CYFIP2: variants seen among roughly 807,000 people sequenced by gnomAD.
CYFIP2 encodes the protein cytoplasmic FMR1 interacting protein 2, also known as cytoplasmic FMR1-interacting protein 2.
A neutral mutation model predicts 158.7 loss-of-function variants in CYFIP2; 29 were observed. The ratio of observed to expected loss-of-function variants is 0.18; its 90% CI spans 0.14 to 0.25. CYFIP2 has a LOEUF of 0.25. Among genes scored for constraint, CYFIP2 ranks in the 10% least tolerant of loss-of-function variants. The pLI is 1.00. For synonymous variants in CYFIP2, 585 were observed against 617.6 expected (o/e 0.95, Z 0.78); for missense variants, 852 against 1,639.5 (o/e 0.52, Z 8.29).
rs574409103 is a variant in CYFIP2 at position 157,356,231 on chromosome 5, C to A, written c.2674-2774C>A. On this transcript the variant is annotated intron_variant, in intron 23 of 30. Transcript: ENST00000620254. ...TTCCTGGTGTGCAGATGGCCCCTCTCCTCACTGTAGGCTCCCATGGCATAG... is the reference window on the plus strand; with the variant it reads ...TTCCTGGTGTGCAGATGGCCCCTCTACTCACTGTAGGCTCCCATGGCATAG... 5.9e-5 allele frequency among the ~76,000 whole-genome samples: 9 copies of A among 152,216 alleles called. No homozygotes were observed. In the South Asian group the frequency reaches 1.0e-3, roughly 18 times the overall value.
At chr5:157,333,604 TAA>T (rs1413416098) in intron 21 of CYFIP2, among the ~76,000 whole-genome samples, 158 bp downstream of exon 21, 4 of 152,194 alleles carry the variant, frequency 2.6e-5, no homozygotes, top group Admixed American at 6.5e-5. Flanking sequence ...TTACACAGAA[TAA>T]GAGTAATCTT....
chr5:157,380,237 A>C (rs1176661826), intron 26 of CYFIP2: 1 of 152,250 alleles, frequency 6.6e-6, no homozygotes, highest in East Asian at 1.9e-4. Context: ...TCTTGGAGCC[A>C]GAGGCTCCGT....
Position 157,339,175 on chromosome 5 carries a change from A to G in CYFIP2, c.2504A>G (p.Tyr835Cys). Residue 835 changes from tyrosine (Y) to cysteine (C), a missense_variant, in exon 22 of 31, where the codon TAT (tyrosine) becomes TGT (cysteine). By Grantham distance (194) the Tyr-to-Cys change is radical. Transcript: ENST00000620254. Reference sequence around the variant, plus strand: ...GCCAATCACAATGTGTCCGCCCCCTATGGCCGTATCACCCTGCATGTCTTC... The same window carrying G: ...GCCAATCACAATGTGTCCGCCCCCTGTGGCCGTATCACCCTGCATGTCTTC... ...REANHNVSAP[Y>C]GRITLHVFWE... 1 of 1,613,882 alleles carries G rather than the reference A, an allele frequency of 6.2e-7. No individual in the cohort carries two copies. The highest frequency in any genetic ancestry group is 8.5e-7 in the Non-Finnish European group (1 of 1,179,870).
chr5:157,336,946 A>G (rs907643254), intron 21 of CYFIP2, among the ~76,000 whole-genome samples: 2 of 152,244 alleles, frequency 1.3e-5, no homozygotes, highest in Non-Finnish European at 2.9e-5. Context: ...TGGTTGCAGC[A>G]GCCTCTGCCT....
chr5:157,319,727 A>G (rs1760437262), intron 13 of CYFIP2, 35 bp from the exon 14 acceptor site: 2 of 1,609,790 alleles, frequency 1.2e-6, no homozygotes, highest in South Asian at 1.1e-5. Context: ...TGTGCTGGAC[A>G]TGGTGAACAT....
chr5:157,353,614 T>C (rs1038725823), intron 23 of CYFIP2, among the ~76,000 whole-genome samples: 38 of 152,234 alleles, frequency 2.5e-4, no homozygotes, highest in African/African-American at 9.2e-4. Context: ...TCCTTGGCAC[T>C]GTCTTGCTCT....
At chr5:157,372,709 C>T (rs951933524) in intron 26 of CYFIP2, among the ~76,000 whole-genome samples, 21 of 152,118 alleles carry the variant, frequency 1.4e-4, no homozygotes, top group African/African-American at 5.1e-4. Flanking sequence ...ACAGGCTGAC[C>T]ACCTATTTGA....
chr5:157,316,869 T>C (rs1760190847), intron 13 of CYFIP2, among the ~76,000 whole-genome samples: 1 of 152,214 alleles, frequency 6.6e-6, no homozygotes. Context: ...CAAGCTTCAC[T>C]TTAAAGGACT....
chr5:157,335,151 G>A (rs1253982095), intron 21 of CYFIP2, among the ~76,000 whole-genome samples: 1 of 152,212 alleles, frequency 6.6e-6, no homozygotes, highest in Non-Finnish European at 1.5e-5. Context: ...GTGTGATCTT[G>A]TGCAAGTTAC....
At chr5:157,303,293 T>C (rs1758932961) in intron 7 of CYFIP2, among the ~76,000 whole-genome samples, 1 of 152,180 alleles carries the variant, frequency 6.6e-6, no homozygotes, top group Non-Finnish European at 1.5e-5. Context: ...ACCCATCTCA[T>C]AGGACTGTTG....
chr5:157,296,492 G>A (rs1384480025), intron 4 of CYFIP2, 181 bp from the exon 5 acceptor site: 1 of 607,024 alleles, frequency 1.6e-6, no homozygotes, highest in Non-Finnish European at 3.1e-6. Flanking sequence ...TACTTGGCAG[G>A]CTGAGTTGGG....
intron 26 of CYFIP2, among the ~76,000 whole-genome samples, chr5:157,369,063 T>A (rs542300163): frequency 1.3e-5 from 2 of 152,164 alleles, no homozygotes; most frequent in African/African-American, 4.8e-5. Flanking sequence ...TATGCTTGGC[T>A]AGTTTTTGTA....
intron 1 of CYFIP2, chr5:157,277,106 T>A (rs1756614582): frequency 6.6e-6 from 1 of 151,784 alleles, no homozygotes; most frequent in Admixed American, 6.6e-5. Context: ...CAATCTCAGC[T>A]CACTGCAACC....
At chr5:157,353,982 C>T (rs1330568157) in intron 23 of CYFIP2, among the ~76,000 whole-genome samples, 1 of 152,136 alleles carries the variant, frequency 6.6e-6, no homozygotes, top group African/African-American at 2.4e-5. Context: ...AGTCTGTATA[C>T]AACATTTAAA....
In CYFIP2 at chr5:157,361,719, T is replaced by C; in HGVS notation, c.3039+121T>C. On this transcript the variant is annotated intron_variant, in intron 26 of 30. Transcript: ENST00000620254. This position sits in a 1 kb window ranked among gnomAD's most constrained non-coding sequence, Gnocchi z 4.4. ...TTTGAGTACAAGCTCACATGCTCTT[T>C]TCAGTTCATTTCCAGACAGACATGG... is the stretch of plus-strand genomic sequence containing the variant. The C allele has an allele frequency of 1.6e-6, 2 of 1,222,880 alleles. No homozygotes were observed. The highest frequency in any genetic ancestry group is 2.3e-6 in the Non-Finnish European group (2 of 882,936). 75.8% of individuals were successfully genotyped at this position (1,222,880 alleles called of 1,614,324 possible). A position where few individuals can be genotyped will look rare whatever the true frequency, so the allele number is the denominator to read the frequency against.
chr5:157,328,749 C>T (rs1262967258), intron 19 of CYFIP2, among the ~76,000 whole-genome samples: 2 of 152,184 alleles, frequency 1.3e-5, no homozygotes, highest in African/African-American at 2.4e-5. Flanking sequence ...AGTTTACTCT[C>T]TTAAAAATAT....
chr5:157,304,796 C>G (rs1759078766), intron 8 of CYFIP2: 1 of 154,238 alleles, frequency 6.5e-6, no homozygotes, highest in African/African-American at 2.4e-5. Flanking sequence ...TTTGGGGAAG[C>G]AGGTGGCTTT....
At position 157,327,976 on chromosome 5, in the gene CYFIP2, A is replaced by G. The variant is rs1761160514; in HGVS notation, c.2083A>G (p.Asn695Asp). Residue 695 changes from asparagine to aspartate, a missense_variant, in exon 19 of 31, where the codon AAC becomes GAC. Transcript: ENST00000620254. ...FLYDEIEAEVNLCFDQFVYKL... is the reference protein window; with the variant it reads ...FLYDEIEAEVDLCFDQFVYKL... ...TTTCCTGCTTCCTCTCCACCAGGTGAACCTGTGTTTTGATCAGTTTGTCTA... is the reference window on the plus strand; with the variant it reads ...TTTCCTGCTTCCTCTCCACCAGGTGGACCTGTGTTTTGATCAGTTTGTCTA... The G allele has an allele frequency of 1.2e-6, 2 of 1,613,774 alleles. No individual in the cohort carries two copies. The highest frequency in any genetic ancestry group is 1.7e-6 in the Non-Finnish European group (2 of 1,179,830).
At chr5:157,324,538 A>C (rs755337966) in intron 16 of CYFIP2, among the ~76,000 whole-genome samples, 1 of 152,220 alleles carries the variant, frequency 6.6e-6, no homozygotes, top group African/African-American at 2.4e-5. Flanking sequence ...TCTCAGGAAC[A>C]TGAGTCTTCA....
Sources: allele counts gnomAD v4.1 joint callset (sites outside exome capture counted in the v4.1 genomes callset), GRCh38; gene constraint gnomAD v4.1.1; non-coding constraint Gnocchi (gnomAD v3.1); transcripts MANE v1.5; gene names NCBI Gene and HGNC (gene_info 2026-07-23, HGNC 2026-07-21).